The following LUZP2 variants were observed in gnomAD, a reference collection of about 807,000 sequenced individuals.
LUZP2 encodes the protein leucine zipper protein 2.
A neutral mutation model predicts 51.6 loss-of-function variants in LUZP2; 52 were observed. That is an observed-to-expected ratio of 1.01 (90% CI 0.81 to 1.27). The LOEUF is 1.27. Among genes scored for constraint, LUZP2 ranks in the 50% most tolerant of loss-of-function variants. LUZP2 has a pLI of 0.00. For missense variants in LUZP2, 436 were observed against 395.4 expected (o/e 1.10, Z -0.87); for synonymous variants, 154 against 137.3 (o/e 1.12, Z -0.85).
intron 9 of LUZP2, among the ~76,000 whole-genome samples, chr11:25,048,032 C>T (rs567608525): frequency 7.2e-5 from 11 of 152,188 alleles, no homozygotes; most frequent in African/African-American, 2.6e-4. Flanking sequence ...GCTGGTCTTG[C>T]ACTCCTGACC....
At chr11:24,595,070 C>T (rs1287990473) in intron 1 of LUZP2, among the ~76,000 whole-genome samples, 1 of 151,670 alleles carries the variant, frequency 6.6e-6, no homozygotes, top group Admixed American at 6.6e-5. Flanking sequence ...ACCACTCTTA[C>T]AGATCCTTAG....
intron 1 of LUZP2, among the ~76,000 whole-genome samples, chr11:24,727,086 T>G (rs1430539386): frequency 6.6e-6 from 1 of 152,094 alleles, no homozygotes; most frequent in Non-Finnish European, 1.5e-5. Flanking sequence ...ATAACATTAT[T>G]TGAAAATCAA....
intron 9 of LUZP2, among the ~76,000 whole-genome samples, chr11:25,015,726 G>A (rs187411181): frequency 2.0e-5 from 3 of 152,122 alleles, no homozygotes; most frequent in Admixed American, 1.3e-4. Context: ...AAATGGAGCT[G>A]TTAAACCTTA....
chr11:24,874,598 G>T (rs575198301), intron 5 of LUZP2, among the ~76,000 whole-genome samples: 1 of 152,138 alleles, frequency 6.6e-6, no homozygotes, highest in Non-Finnish European at 1.5e-5. Context: ...CCCAGTGTAA[G>T]AAATATTGAC....
chr11:24,594,069 T>C (rs948124219), intron 1 of LUZP2, among the ~76,000 whole-genome samples: 1 of 152,202 alleles, frequency 6.6e-6, no homozygotes, highest in African/African-American at 2.4e-5. Flanking sequence ...AATATATTTA[T>C]CCTAAATGCA....
At chr11:24,953,425 C>A (rs1861977155) in intron 7 of LUZP2, among the ~76,000 whole-genome samples, 1 of 151,918 alleles carries the variant, frequency 6.6e-6, no homozygotes, top group South Asian at 2.1e-4. Flanking sequence ...TGGATTGTAT[C>A]CACTGTCTCC....
chr11:24,888,527 C>T (rs1037890122), intron 5 of LUZP2, among the ~76,000 whole-genome samples: 1 of 152,014 alleles, frequency 6.6e-6, no homozygotes, highest in African/African-American at 2.4e-5. Context: ...ATTTTGTCAT[C>T]CTCTGACTTA....
At chr11:24,981,012 G>C (rs1159200012) in intron 8 of LUZP2, among the ~76,000 whole-genome samples, 2 of 151,882 alleles carry the variant, frequency 1.3e-5, no homozygotes, top group Non-Finnish European at 2.9e-5. Flanking sequence ...AACAAGACTG[G>C]CTGTACATGG....
chr11:24,757,537 T>C (rs903444590), intron 4 of LUZP2, among the ~76,000 whole-genome samples: 1 of 152,018 alleles, frequency 6.6e-6, no homozygotes, highest in Non-Finnish European at 1.5e-5. Flanking sequence ...ATAGATGACA[T>C]TAATTCAAGA....
chr11:24,869,311 A>T (rs1851986782), intron 5 of LUZP2, among the ~76,000 whole-genome samples: 2 of 152,090 alleles, frequency 1.3e-5, no homozygotes, highest in Non-Finnish European at 2.9e-5. Flanking sequence ...CTTCACAGAT[A>T]CTGCATTTTT....
At chr11:24,584,317 C>G (rs995897882) in intron 1 of LUZP2, among the ~76,000 whole-genome samples, 1 of 152,134 alleles carries the variant, frequency 6.6e-6, no homozygotes, top group African/African-American at 2.4e-5. Context: ...CACTTAGTAG[C>G]CTAAATTCTG....
At chr11:24,669,022 C>G (rs1013010178) in intron 1 of LUZP2, among the ~76,000 whole-genome samples, 1 of 152,068 alleles carries the variant, frequency 6.6e-6, no homozygotes, top group Non-Finnish European at 1.5e-5. Context: ...GGTTTAAGCA[C>G]CTAGTGAAAT....
intron 1 of LUZP2, among the ~76,000 whole-genome samples, chr11:24,566,891 TA>T (rs1852252839): frequency 8.1e-5 from 8 of 98,916 alleles, no homozygotes; most frequent in Non-Finnish European, 1.2e-4. Flanking sequence ...CATATATACA[TA>T]TTTATATATG....
At chr11:24,593,134 C>A (rs368462667) in intron 1 of LUZP2, among the ~76,000 whole-genome samples, 1 of 152,152 alleles carries the variant, frequency 6.6e-6, no homozygotes, top group African/African-American at 2.4e-5. Flanking sequence ...AAAGCTTAGA[C>A]AGTCCATTTT....
chr11:24,808,091 G>T (rs1053267317), intron 5 of LUZP2, among the ~76,000 whole-genome samples: 7 of 152,110 alleles, frequency 4.6e-5, no homozygotes, highest in African/African-American at 1.7e-4. Flanking sequence ...ATAGAAATAA[G>T]AACAATAATG....
At chr11:24,661,100 AATTC>A (rs1012306946) in intron 1 of LUZP2, among the ~76,000 whole-genome samples, 8 of 152,178 alleles carry the variant, frequency 5.3e-5, no homozygotes, top group Non-Finnish European at 1.0e-4. Flanking sequence ...TTTAGCTACC[AATTC>A]ATATATGTAG....
At chr11:24,798,722 G>T (rs571313282) in intron 5 of LUZP2, among the ~76,000 whole-genome samples, 52 of 152,150 alleles carry the variant, frequency 3.4e-4, no homozygotes, top group African/African-American at 1.1e-3. Context: ...GCTTCCCCCT[G>T]CTTGCCATTA....
intron 1 of LUZP2, among the ~76,000 whole-genome samples, chr11:24,595,169 C>G (rs1160305269): frequency 1.0e-5 from 1 of 99,868 alleles, no homozygotes; most frequent in African/African-American, 3.9e-5. Flanking sequence ...AAGTCCAACT[C>G]TATTAGATTC....
intron 7 of LUZP2, among the ~76,000 whole-genome samples, chr11:24,971,312 GTTCACAA>G (rs1855730130): frequency 6.6e-6 from 1 of 152,244 alleles, no homozygotes; most frequent in Non-Finnish European, 1.5e-5. Context: ...TACATGCGTA[GTTCACAA>G]TAGGGTTCAT....
Sources: allele counts gnomAD v4.1 joint callset (sites outside exome capture counted in the v4.1 genomes callset), GRCh38; gene constraint gnomAD v4.1.1; transcripts MANE v1.5; gene names NCBI Gene and HGNC (gene_info 2026-07-23, HGNC 2026-07-21).